PHACTR1: variants seen among roughly 807,000 people sequenced by gnomAD.
The protein encoded by PHACTR1 is phosphatase and actin regulator 1, also known as RPEL repeat containing 1.
A neutral mutation model predicts 69.2 loss-of-function variants in PHACTR1; 16 were observed. The observed-to-expected ratio is 0.23, with a 90% CI of 0.16 to 0.35. The LOEUF is 0.35. Among genes scored for constraint, PHACTR1 ranks in the 10% least tolerant of loss-of-function variants. The pLI, the probability that PHACTR1 is intolerant of heterozygous loss-of-function variation, is 1.00. For missense variants in PHACTR1, 510 were observed against 734.7 expected (o/e 0.69, Z 3.54); for synonymous variants, 312 against 284.5 (o/e 1.10, Z -0.97).
chr6:12,975,334 G>T (rs1426390038), intron 4 of PHACTR1, among the ~76,000 whole-genome samples: 1 of 152,188 alleles, frequency 6.6e-6, no homozygotes, highest in Non-Finnish European at 1.5e-5. Flanking sequence ...AGCTCACTAA[G>T]ATCCTGACCA....
chr6:13,003,960 T>TATATATATAC (rs1257040532), intron 4 of PHACTR1, among the ~76,000 whole-genome samples: 1 of 109,530 alleles, frequency 9.1e-6, no homozygotes, highest in African/African-American at 4.8e-5. Flanking sequence ...CCTATATATA[T>TATATATATAC]ATATGTATAT....
intron 4 of PHACTR1, among the ~76,000 whole-genome samples, chr6:13,016,219 AAGATCATAATGAGCC>A (rs1800148303): frequency 6.6e-6 from 1 of 152,244 alleles, no homozygotes; most frequent in Non-Finnish European, 1.5e-5. Context: ...TTGTATGCTC[AAGATCATAATGAGCC>A]AAACAGATTT....
intron 4 of PHACTR1, among the ~76,000 whole-genome samples, chr6:12,893,279 G>A (rs1180745312): frequency 1.3e-5 from 2 of 152,182 alleles, no homozygotes; most frequent in African/African-American, 2.4e-5. Flanking sequence ...GCTCCAGGGC[G>A]TATGCACTTC....
chr6:13,254,598 T>C (rs779098499), intron 10 of PHACTR1, among the ~76,000 whole-genome samples: 9 of 152,214 alleles, frequency 5.9e-5, no homozygotes, highest in Admixed American at 5.2e-4. Context: ...TATCATGATC[T>C]TCCCATCAGT....
At chr6:13,106,198 TA>T (rs1397149224) in intron 5 of PHACTR1, among the ~76,000 whole-genome samples, 17 of 152,240 alleles carry the variant, frequency 1.1e-4, no homozygotes, top group Non-Finnish European at 2.2e-4. Context: ...ACATTGTTTT[TA>T]GGATATTCTA....
intron 4 of PHACTR1, among the ~76,000 whole-genome samples, chr6:12,845,186 T>TTA (rs1482438149): frequency 6.6e-6 from 1 of 152,244 alleles, no homozygotes; most frequent in African/African-American, 2.4e-5. Context: ...TTTGGGCTGC[T>TTA]TATACATCAA....
intron 4 of PHACTR1, among the ~76,000 whole-genome samples, chr6:12,780,833 C>T (rs1413379591): frequency 2.6e-5 from 4 of 152,164 alleles, no homozygotes; most frequent in Admixed American, 2.6e-4. Flanking sequence ...GCAAACTGAC[C>T]TCACTCATGC....
intron 5 of PHACTR1, among the ~76,000 whole-genome samples, chr6:13,152,185 T>A (rs1397674347): frequency 2.6e-5 from 4 of 151,968 alleles, no homozygotes; most frequent in Non-Finnish European, 4.4e-5. Context: ...ATACAAAAAA[T>A]TAGCCAGGCG....
chr6:13,068,641 G>A (rs963712171), intron 5 of PHACTR1, among the ~76,000 whole-genome samples: 2 of 152,140 alleles, frequency 1.3e-5, no homozygotes, highest in African/African-American at 2.4e-5. Flanking sequence ...CTGGAGTTTT[G>A]TTCCGTAGTT....
chr6:12,757,582 C>T (rs904768303), intron 4 of PHACTR1, among the ~76,000 whole-genome samples: 8 of 152,014 alleles, frequency 5.3e-5, no homozygotes, highest in African/African-American at 1.9e-4. Context: ...CGTGGTACAG[C>T]AGAAACAGTG....
intron 7 of PHACTR1, among the ~76,000 whole-genome samples, chr6:13,200,218 C>CTTTT (rs35273566): frequency 6.7e-6 from 1 of 149,420 alleles, no homozygotes; most frequent in Non-Finnish European, 1.5e-5. Flanking sequence ...TGGGAAGAAT[C>CTTTT]TTTTTTTTTT....
At chr6:12,777,241 A>ATATTT (rs935217184) in intron 4 of PHACTR1, among the ~76,000 whole-genome samples, 17 of 134,168 alleles carry the variant, frequency 1.3e-4, no homozygotes, top group African/African-American at 4.6e-4. Flanking sequence ...ATATATATAT[A>ATATTT]TTTTTTTAAT....
intron 8 of PHACTR1, among the ~76,000 whole-genome samples, chr6:13,217,670 G>A (rs182094686): frequency 8.9e-4 from 135 of 151,910 alleles, no homozygotes; most frequent in Middle Eastern, 3.4e-3. Flanking sequence ...CAGTACCCTC[G>A]TCTATATATA....
chr6:12,887,578 C>T (rs777322374), intron 4 of PHACTR1, among the ~76,000 whole-genome samples: 1 of 152,176 alleles, frequency 6.6e-6, no homozygotes, highest in African/African-American at 2.4e-5. Context: ...GCATGACATT[C>T]GCTCTTTGTG....
At chr6:12,931,785 G>T (rs1209197774) in intron 4 of PHACTR1, among the ~76,000 whole-genome samples, 1 of 151,628 alleles carries the variant, frequency 6.6e-6, no homozygotes, top group Non-Finnish European at 1.5e-5. Context: ...GATGGCAAAT[G>T]TGTGCTAAGG....
At chr6:13,146,264 G>A (rs2113395276) in intron 5 of PHACTR1, among the ~76,000 whole-genome samples, 1 of 152,268 alleles carries the variant, frequency 6.6e-6, no homozygotes, top group East Asian at 1.9e-4. Flanking sequence ...TGGTGATAAT[G>A]GGGAGAAATC....
At chr6:12,986,596 C>T (rs1030061481) in intron 4 of PHACTR1, among the ~76,000 whole-genome samples, 1 of 152,172 alleles carries the variant, frequency 6.6e-6, no homozygotes, top group African/African-American at 2.4e-5. Context: ...GGATAAAACA[C>T]GTTTTGCCAT....
intron 3 of PHACTR1, among the ~76,000 whole-genome samples, chr6:12,732,542 G>C (rs1394858780): frequency 6.6e-6 from 1 of 151,948 alleles, no homozygotes; most frequent in Non-Finnish European, 1.5e-5. Context: ...TGTTCTCATT[G>C]TTCAACTCTC....
At chr6:13,281,598 C>A in intron 12 of PHACTR1, 1 of 176,896 alleles carries the variant, frequency 5.7e-6, no homozygotes, top group Non-Finnish European at 1.3e-5. Flanking sequence ...CTTTGTCTGG[C>A]CCCTTGAGGT....
Sources: allele counts gnomAD v4.1 joint callset (sites outside exome capture counted in the v4.1 genomes callset), GRCh38; gene constraint gnomAD v4.1.1; transcripts MANE v1.5; gene names NCBI Gene and HGNC (gene_info 2026-07-23, HGNC 2026-07-21).